SIK3: variants seen among roughly 807,000 people sequenced by gnomAD.
SIK3 encodes SIK family kinase 3.
Under a neutral mutation model 144.2 loss-of-function variants are expected in SIK3, and 28 were observed. The ratio of observed to expected loss-of-function variants is 0.19; its 90% CI spans 0.14 to 0.27. The LOEUF is 0.27. Ranked by LOEUF, SIK3 falls within the 10% of genes least tolerant of loss-of-function variation. The pLI is 1.00. For missense variants in SIK3, 1,319 were observed against 1,776.0 expected (o/e 0.74, Z 4.62); for synonymous variants, 686 against 676.3 (o/e 1.01, Z -0.22).
chr11:116,960,743 T>G (rs1483638403), intron 1 of SIK3, among the ~76,000 whole-genome samples: 3 of 152,200 alleles, frequency 2.0e-5, no homozygotes, highest in Non-Finnish European at 2.9e-5. Flanking sequence ...ATTTTGGGGA[T>G]TAACAAAGCT....
chr11:116,945,168 C>A (rs1948520171), intron 3 of SIK3, among the ~76,000 whole-genome samples: 1 of 151,950 alleles, frequency 6.6e-6, no homozygotes, highest in Non-Finnish European at 1.5e-5. Context: ...ACCATGTTAG[C>A]CAGGATGTTC....
At chr11:117,023,612 A>ACAAC (rs1416005850) in intron 1 of SIK3, among the ~76,000 whole-genome samples, 2 of 42,898 alleles carry the variant, frequency 4.7e-5, no homozygotes, top group African/African-American at 1.7e-4. Flanking sequence ...AAACAAACAA[A>ACAAC]AAAAAAAAAA....
rs759992073 is a variant in SIK3 at position 116,897,171 on chromosome 11, A to G, written c.741+22T>C. ...CCAAGGGTAGCTAATGCTGTGGGGT[A>G]TAAGAGAAGGCAGTTACTTACCCAG... On this transcript the variant is annotated intron_variant, in intron 5 of 24. Coordinates refer to ENST00000445177, the MANE Select transcript of SIK3 (RefSeq NM_001366686.3). 4.3e-6 allele frequency: 7 copies of G among 1,612,614 alleles called. No individual in the cohort carries two copies. The East Asian group carries it at 1.1e-4, about 26-fold the overall frequency.
At chr11:116,926,233 T>C (rs560090003) in intron 4 of SIK3, among the ~76,000 whole-genome samples, 1 of 152,346 alleles carries the variant, frequency 6.6e-6, no homozygotes, top group East Asian at 1.9e-4. Context: ...GGATACACGA[T>C]GCTATACCGG....
chr11:117,050,975 G>A (rs966927005), intron 1 of SIK3, among the ~76,000 whole-genome samples: 1 of 152,096 alleles, frequency 6.6e-6, no homozygotes, highest in Non-Finnish European at 1.5e-5. Flanking sequence ...GAATGGCCCA[G>A]ACAGCTGATA....
intron 9 of SIK3, 84 bp downstream of exon 9, chr11:116,875,782 C>T (rs550997302): frequency 1.4e-6 from 2 of 1,457,020 alleles, no homozygotes; most frequent in Non-Finnish European, 1.8e-6. Context: ...AAGAAACTCT[C>T]GACTTAGGGT....
Position 116,857,531 on chromosome 11 carries a change from G to A in SIK3, c.3655+279C>T, listed in dbSNP as rs550883499. 61 of 424,100 alleles carry A rather than the reference G, an allele frequency of 1.4e-4. 1 individual carries two copies. Among genetic ancestry groups the A allele is most frequent in the African/African-American group, 1.1e-3 (54 of 49,648 alleles). 26.3% of individuals were successfully genotyped at this position (424,100 alleles called of 1,614,324 possible). On this transcript the variant is annotated intron_variant, in intron 21 of 24. Coordinates refer to ENST00000445177, the MANE Select transcript of SIK3 (RefSeq NM_001366686.3). ...AGTTAGCTGTTTGGATGGCAGTCAGGAATTTCTGGATTCCAAGAAACTGTG... is the reference window on the plus strand; with the variant it reads ...AGTTAGCTGTTTGGATGGCAGTCAGAAATTTCTGGATTCCAAGAAACTGTG...
chr11:117,044,708 C>A (rs1241545445), intron 1 of SIK3, among the ~76,000 whole-genome samples: 1 of 151,996 alleles, frequency 6.6e-6, no homozygotes, highest in African/African-American at 2.4e-5. Context: ...TAGGGAGACC[C>A]CGTCTTTATA....
At chr11:116,961,843 T>C (rs768508406) in intron 1 of SIK3, among the ~76,000 whole-genome samples, 7 of 152,170 alleles carry the variant, frequency 4.6e-5, no homozygotes, top group Non-Finnish European at 8.8e-5. Flanking sequence ...CTCAAGACAT[T>C]CCCATTCAAC....
At chr11:116,927,178 G>C (rs764738835) in intron 4 of SIK3, 41 bp downstream of exon 4, 2 of 1,501,044 alleles carry the variant, frequency 1.3e-6, no homozygotes, top group South Asian at 1.2e-5. Flanking sequence ...CCAAGGAAAA[G>C]CTCCTTTGTC....
chr11:116,966,873 C>T (rs1294781878), intron 1 of SIK3, among the ~76,000 whole-genome samples: 3 of 151,428 alleles, frequency 2.0e-5, no homozygotes, highest in East Asian at 3.9e-4. Flanking sequence ...AGCATGGTGG[C>T]GTGGGCCTGT....
chr11:116,920,555 A>AG (rs1946906539), intron 4 of SIK3, among the ~76,000 whole-genome samples: 1 of 152,154 alleles, frequency 6.6e-6, no homozygotes, highest in Non-Finnish European at 1.5e-5. Flanking sequence ...ATAAGTTCCA[A>AG]GGGGTTATCT....
intron 22 of SIK3, among the ~76,000 whole-genome samples, chr11:116,848,562 A>G (rs935532949): frequency 2.6e-5 from 4 of 152,208 alleles, no homozygotes; most frequent in Non-Finnish European, 5.9e-5. Flanking sequence ...CCAGAAGCCT[A>G]TGGGCTCATT....
intron 1 of SIK3, among the ~76,000 whole-genome samples, chr11:117,003,148 T>C (rs1012079485): frequency 1.3e-5 from 2 of 152,190 alleles, no homozygotes; most frequent in Admixed American, 1.3e-4. Flanking sequence ...ATGATACTGA[T>C]TTTTGCTACA....
chr11:116,873,414 C>A (rs1482503654), intron 13 of SIK3, 67 bp downstream of exon 13: 16 of 1,610,972 alleles, frequency 9.9e-6, no homozygotes, highest in Non-Finnish European at 1.3e-5. Flanking sequence ...GGTTCCCAAC[C>A]CCAGGCTCAC....
In SIK3 at chr11:117,013,903, G is replaced by GTGTGTGTGT. The variant is rs1555127047; in HGVS notation, c.274-56840_274-56839insACACACACA. On this transcript the variant is annotated intron_variant, in intron 1 of 24. Coordinates refer to ENST00000445177, the MANE Select transcript of SIK3 (RefSeq NM_001366686.3). ...GATATAAGTCTCCAGATTCTGAGGG[G>GTGTGTGTGT]GGGGGGGGGAGGGTGTGTGTGTGTG... Among the ~76,000 whole-genome samples, 264 of 52,818 alleles carry GTGTGTGTGT rather than the reference G, an allele frequency of 5.0e-3. 10 individuals carry two copies. Among genetic ancestry groups the GTGTGTGTGT allele is most frequent in the African/African-American group, 0.011 (188 of 16,878 alleles). The allele number at this position is 52,818 out of a possible 152,430, so 34.7% of individuals were successfully genotyped here. A position where few individuals can be genotyped will look rare whatever the true frequency, so the allele number is the denominator to read the frequency against.
At chr11:116,981,401 A>G (rs561846015) in intron 1 of SIK3, among the ~76,000 whole-genome samples, 2 of 152,342 alleles carry the variant, frequency 1.3e-5, no homozygotes, top group East Asian at 3.9e-4. Context: ...TCCAAGAATG[A>G]GCATCCCAAG....
At chr11:116,890,320 G>A (rs1261749262) in intron 6 of SIK3, among the ~76,000 whole-genome samples, 6 of 152,220 alleles carry the variant, frequency 3.9e-5, no homozygotes, top group African/African-American at 1.4e-4. Flanking sequence ...GGAAGGCCCT[G>A]TGACTGGAGC....
chr11:116,894,525 T>G (rs1028906284), intron 6 of SIK3, among the ~76,000 whole-genome samples: 26 of 152,052 alleles, frequency 1.7e-4, no homozygotes, highest in Non-Finnish European at 4.4e-5. Context: ...AACTCTGGAG[T>G]CTTTCTTTCA....
Sources: allele counts gnomAD v4.1 joint callset (sites outside exome capture counted in the v4.1 genomes callset), GRCh38; gene constraint gnomAD v4.1.1; transcripts MANE v1.5; gene names NCBI Gene and HGNC (gene_info 2026-07-23, HGNC 2026-07-21).